Variants in MSI2 observed in about 807,000 individuals in gnomAD.
MSI2 encodes the protein musashi RNA binding protein 2.
A neutral mutation model predicts 45.6 loss-of-function variants in MSI2; 17 were observed. The ratio of observed to expected loss-of-function variants is 0.37; its 90% confidence interval spans 0.26 to 0.56. The LOEUF (loss-of-function observed/expected upper bound fraction) is 0.56. Among genes scored for constraint, MSI2 ranks in the 20% least tolerant of loss-of-function variants. MSI2 has a pLI of 0.77. For missense variants in MSI2, 293 were observed against 444.2 expected (o/e 0.66, Z 3.06); for synonymous variants, 156 against 158.2 (o/e 0.99, Z 0.11).
chr17:57,652,311 G>A lies in MSI2; in HGVS notation c.790+150G>A, dbSNP rs962593316. On this transcript the variant is annotated intron_variant, in intron 11 of 13. Coordinates refer to ENST00000284073, the MANE Select transcript of MSI2 (RefSeq NM_138962.4). The surrounding 1 kb of genome is among the most constrained non-coding windows in gnomAD (Gnocchi z 4.1). ...GGGGTGGACGGGGAGGGGGTGGACC[G>A]GGAGGCGCGGGCAAGGCCTGGCCAC... 45 of 780,806 alleles carry A rather than the reference G, an allele frequency of 5.8e-5. No homozygotes were observed. Among genetic ancestry groups the A allele is most frequent in the Middle Eastern group, 3.7e-4 (1 of 2,710 alleles). 48.4% of individuals were successfully genotyped at this position (780,806 alleles called of 1,614,324 possible). A position where few individuals can be genotyped will look rare whatever the true frequency, so the allele number is the denominator to read the frequency against.
chr17:57,314,765 T>G (rs1408457165), intron 5 of MSI2, among the ~76,000 whole-genome samples: 1 of 151,938 alleles, frequency 6.6e-6, no homozygotes, highest in East Asian at 1.9e-4. Context: ...AAAAACGGGG[T>G]TTCGCTATGT....
rs533974057 is a variant in MSI2, at chr17:57,452,377, T to G, written c.405+50906T>G. On this transcript the variant is annotated intron_variant, in intron 6 of 13. Transcript: ENST00000284073. ...CCATCCTCACAGAGGGGAAGCAACT[T>G]CCCCAGGCCACCTTGCCTGCAAGCA... Among the ~76,000 whole-genome samples the G allele has an allele frequency of 2.6e-5, 4 of 152,280 alleles. No homozygotes were observed. The South Asian group carries it at 8.3e-4, about 32-fold the overall frequency.
intron 7 of MSI2, among the ~76,000 whole-genome samples, chr17:57,576,543 G>A (rs1265676705): frequency 1.3e-5 from 2 of 152,122 alleles, no homozygotes; most frequent in South Asian, 4.2e-4. Context: ...ATCACCTGAG[G>A]TCAGGCGTTT....
intron 9 of MSI2, among the ~76,000 whole-genome samples, chr17:57,619,177 T>C (rs765827658): frequency 2.0e-5 from 3 of 152,200 alleles, no homozygotes; most frequent in Non-Finnish European, 4.4e-5. Context: ...CACATCTCCA[T>C]AATCACCCAA....
chr17:57,466,084 C>T (rs1168425958), intron 6 of MSI2, among the ~76,000 whole-genome samples: 9 of 152,186 alleles, frequency 5.9e-5, no homozygotes, highest in Non-Finnish European at 8.8e-5. Context: ...CGGTGCACAC[C>T]AGGCTCTGTG....
At chr17:57,639,263 G>C (rs552984298) in intron 10 of MSI2, among the ~76,000 whole-genome samples, 1 of 152,186 alleles carries the variant, frequency 6.6e-6, no homozygotes, top group Non-Finnish European at 1.5e-5. Context: ...ACAGAAGTTC[G>C]CCAGGCAGAT....
chr17:57,359,612 G>A (rs1053206760), intron 5 of MSI2, among the ~76,000 whole-genome samples: 3 of 152,160 alleles, frequency 2.0e-5, no homozygotes, highest in Non-Finnish European at 4.4e-5. Context: ...TAGGGGAATT[G>A]CATCTGCCAT....
At chr17:57,398,621 C>T (rs1281470937) in intron 5 of MSI2, among the ~76,000 whole-genome samples, 3 of 152,200 alleles carry the variant, frequency 2.0e-5, no homozygotes, top group African/African-American at 7.2e-5. Context: ...TAGTAACTGA[C>T]TTTGGTCAGT....
At chr17:57,423,341 A>G (rs1182652958) in intron 6 of MSI2, among the ~76,000 whole-genome samples, 2 of 152,220 alleles carry the variant, frequency 1.3e-5, no homozygotes, top group African/African-American at 4.8e-5. Flanking sequence ...GTAATAGAAG[A>G]AGCCCGACAG....
At chr17:57,518,630 T>C (rs2086520361) in intron 6 of MSI2, among the ~76,000 whole-genome samples, 1 of 152,248 alleles carries the variant, frequency 6.6e-6, no homozygotes, top group Non-Finnish European at 1.5e-5. Flanking sequence ...CTAAATGATT[T>C]GCCTCTCTCC....
rs1004002150 is a variant in MSI2 at position 57,683,937 on chromosome 17, T to C, written c.*4420T>C. On this transcript the variant is annotated 3_prime_UTR_variant, in exon 14 of 14. Coordinates refer to ENST00000284073, the MANE Select transcript of MSI2 (RefSeq NM_138962.4). This position sits in a 1 kb window ranked among gnomAD's most constrained non-coding sequence, Gnocchi z 5.2. ...GTTTGTTTTCTTTTTCTTTCTTTTT[T>C]TTCTACCAAAAAAAAGTAAGTAAAC... 3 of 230,366 alleles carry C rather than the reference T, an allele frequency of 1.3e-5. No homozygotes were observed. Among genetic ancestry groups the C allele is most frequent in the Non-Finnish European group, 2.6e-5 (3 of 116,322 alleles). 14.3% of individuals were successfully genotyped at this position (230,366 alleles called of 1,614,324 possible). A position where few individuals can be genotyped will look rare whatever the true frequency, so the allele number is the denominator to read the frequency against.
Position 57,529,550 on chromosome 17 carries a change from A to AT in MSI2, c.406-120dup, listed in dbSNP as rs1038348796. 11 of 816,520 alleles carry AT rather than the reference A, an allele frequency of 1.3e-5. No individual in the cohort carries two copies. The highest frequency in any genetic ancestry group is 5.3e-5 in the Admixed American group (2 of 38,036). The allele number at this position is 816,520 out of a possible 1,614,324, so 50.6% of individuals were successfully genotyped here. On this transcript the variant is annotated intron_variant, in intron 6 of 13. Transcript: ENST00000284073. This position sits in a 1 kb window ranked among gnomAD's most constrained non-coding sequence, Gnocchi z 5.3. ...TTTCTACTTTTTTGCATTTTCAAAT[A>AT]TTTTTTGATAAGCAACTATTACTTC...
chr17:57,429,048 A>G (rs1297949355), intron 6 of MSI2, among the ~76,000 whole-genome samples: 1 of 152,144 alleles, frequency 6.6e-6, no homozygotes, highest in Non-Finnish European at 1.5e-5. Flanking sequence ...CCTTATCCTT[A>G]GTGCCCTCAA....
chr17:57,426,670 A>G (rs2084498059), intron 6 of MSI2, among the ~76,000 whole-genome samples: 1 of 152,192 alleles, frequency 6.6e-6, no homozygotes, highest in Admixed American at 6.5e-5. Flanking sequence ...CAGTGTCCCC[A>G]TCCTCGTGCA....
At position 57,462,580 on chromosome 17, in the gene MSI2, A is replaced by G. The variant is rs186648114; in HGVS notation, c.405+61109A>G. Reference sequence around the variant, plus strand: ...TGTGGACAAGAAAAAGGGTATATCTATGTGAGTCTGCATACTTGGAGAATT... The same window carrying G: ...TGTGGACAAGAAAAAGGGTATATCTGTGTGAGTCTGCATACTTGGAGAATT... On this transcript the variant is annotated intron_variant, in intron 6 of 13. Coordinates refer to ENST00000284073, the MANE Select transcript of MSI2 (RefSeq NM_138962.4). Among the ~76,000 whole-genome samples the G allele has an allele frequency of 9.8e-5, 15 of 152,372 alleles. No homozygotes were observed. The East Asian group carries it at 2.7e-3, about 27-fold the overall frequency.
intron 6 of MSI2, among the ~76,000 whole-genome samples, chr17:57,487,790 G>T (rs1169733077): frequency 1.3e-5 from 2 of 151,084 alleles, no homozygotes; most frequent in African/African-American, 4.9e-5. Context: ...TTCCCTTTGT[G>T]AACTCCCATA....
intron 6 of MSI2, among the ~76,000 whole-genome samples, chr17:57,453,933 C>A (rs2085064597): frequency 6.6e-6 from 1 of 152,190 alleles, no homozygotes; most frequent in Non-Finnish European, 1.5e-5. Context: ...GAGCTCATAC[C>A]TTTATCTTTC....
intron 6 of MSI2, among the ~76,000 whole-genome samples, chr17:57,493,954 G>A (rs1598331073): frequency 1.3e-5 from 2 of 152,164 alleles, no homozygotes; most frequent in South Asian, 4.1e-4. Flanking sequence ...GTTTGCATGA[G>A]CCTGGGAGCT....
intron 7 of MSI2, among the ~76,000 whole-genome samples, chr17:57,582,205 T>A (rs905362416): frequency 2.0e-5 from 3 of 152,174 alleles, no homozygotes; most frequent in Admixed American, 1.3e-4. Flanking sequence ...AAGAGGCAAC[T>A]TCAGAACCAG....
Sources: allele counts gnomAD v4.1 joint callset (sites outside exome capture counted in the v4.1 genomes callset), GRCh38; gene constraint gnomAD v4.1.1; non-coding constraint Gnocchi (gnomAD v3.1); transcripts MANE v1.5; gene names NCBI Gene and HGNC (gene_info 2026-07-23, HGNC 2026-07-21).